Variants in NFIB observed in about 807,000 individuals in gnomAD.
The protein encoded by NFIB is nuclear factor I B, also known as nuclear factor 1 B-type.
Under a neutral mutation model 61.5 loss-of-function variants are expected in NFIB, and 11 were observed. The ratio of observed to expected loss-of-function variants is 0.18; its 90% CI spans 0.11 to 0.30. The LOEUF (loss-of-function observed/expected upper bound fraction) is 0.30, where lower values mean the gene tolerates loss of function less well. Ranked by LOEUF, NFIB falls within the 10% of genes least tolerant of loss-of-function variation. NFIB has a pLI of 1.00. For missense variants in NFIB, 471 were observed against 608.9 expected, an observed-to-expected ratio of 0.77 and a Z score of 2.38; for synonymous variants, 260 against 216.5, an observed-to-expected ratio of 1.20 and a Z score of -1.76.
the NFIB span, among the ~76,000 whole-genome samples, chr9:14,490,335 A>C: frequency 0.039 from 5,890 of 152,228 alleles, 157 homozygotes; most frequent in Admixed American, 0.076. Context: ...TCTGAACTTA[A>C]ATGTTAAAGG....
At chr9:14,427,939 T>TTTTTTTTTTTTG in the NFIB span, among the ~76,000 whole-genome samples, 1 of 70,666 alleles carries the variant, frequency 1.4e-5, no homozygotes, top group African/African-American at 9.0e-5. Context: ...ATTCAGTTGT[T>TTTTTTTTTTTTG]TTTTTTTTTT....
chr9:14,279,980 G>C (rs2058261983), intron 2 of NFIB, among the ~76,000 whole-genome samples: 1 of 152,152 alleles, frequency 6.6e-6, no homozygotes, highest in Non-Finnish European at 1.5e-5. Context: ...GATAGCAGCT[G>C]AAGTGCCCAT....
chr9:14,282,783 T>G (rs114019910), intron 2 of NFIB, among the ~76,000 whole-genome samples: 3,022 of 152,288 alleles, frequency 0.02, 100 homozygotes, highest in African/African-American at 0.068. Context: ...CACAGCCAGG[T>G]GAGCTCCTCA....
intron 2 of NFIB, among the ~76,000 whole-genome samples, chr9:14,222,795 CAAAAAA>C (rs58787088): frequency 1.2e-5 from 1 of 86,770 alleles, no homozygotes; most frequent in South Asian, 4.5e-4. Flanking sequence ...GATCCTGTCT[CAAAAAA>C]AAAAAAAAGA....
chr9:14,178,637 G>T (rs984580918), intron 3 of NFIB, among the ~76,000 whole-genome samples: 3 of 151,936 alleles, frequency 2.0e-5, no homozygotes, highest in Non-Finnish European at 4.4e-5. Context: ...AAAAAACATA[G>T]GACTCAGAAA....
At chr9:14,247,714 T>C (rs777142978) in intron 2 of NFIB, among the ~76,000 whole-genome samples, 1 of 152,148 alleles carries the variant, frequency 6.6e-6, no homozygotes, top group African/African-American at 2.4e-5. Flanking sequence ...AGATCAGAAA[T>C]AAAATACAGA....
the NFIB span, among the ~76,000 whole-genome samples, chr9:14,492,538 G>GT: frequency 4.6e-5 from 7 of 151,998 alleles, no homozygotes. Context: ...AAGGCAAAGG[G>GT]GAAGCAGCAC....
intron 6 of NFIB, among the ~76,000 whole-genome samples, chr9:14,142,562 C>A (rs935905073): frequency 6.6e-6 from 1 of 151,484 alleles, no homozygotes; most frequent in Admixed American, 6.6e-5. Context: ...CCTCTTATAT[C>A]AAAAGTTACA....
intron 1 of NFIB, chr9:14,362,530 A>T (rs2061252636): frequency 6.6e-6 from 1 of 152,102 alleles, no homozygotes; most frequent in South Asian, 2.1e-4. Context: ...CTGTGGGGAA[A>T]CTGTTTTGGC....
upstream of NFIB, among the ~76,000 whole-genome samples, chr9:14,402,114 T>C (rs1227902354): frequency 1.3e-5 from 2 of 152,178 alleles, no homozygotes; most frequent in East Asian, 3.8e-4. Context: ...CCTGAAACTT[T>C]GACTGCCAGA....
At chr9:14,348,883 G>A (rs536227761) in intron 1 of NFIB, among the ~76,000 whole-genome samples, 5 of 152,370 alleles carry the variant, frequency 3.3e-5, no homozygotes, top group African/African-American at 1.2e-4. Context: ...CGAAGCTTGC[G>A]CCTTCATGCG....
At chr9:14,157,672 T>C (rs115715775) in intron 3 of NFIB, among the ~76,000 whole-genome samples, 2,892 of 152,214 alleles carry the variant, frequency 0.019, 78 homozygotes, top group African/African-American at 0.065. Flanking sequence ...GTGCTAAAAG[T>C]CATGAATACA....
chr9:14,231,622 T>C (rs776016948), intron 2 of NFIB, among the ~76,000 whole-genome samples: 10 of 152,166 alleles, frequency 6.6e-5, no homozygotes, highest in Non-Finnish European at 8.8e-5. Context: ...TGAAGGTATA[T>C]TTTCTACCTT....
At chr9:14,337,089 A>G (rs938513441) in intron 1 of NFIB, among the ~76,000 whole-genome samples, 25 of 152,218 alleles carry the variant, frequency 1.6e-4, no homozygotes, top group African/African-American at 6.0e-4. Context: ...CGTAGCTCTC[A>G]ACCCATATAA....
At chr9:14,115,523 G>A (rs918356367) in intron 9 of NFIB, among the ~76,000 whole-genome samples, 1 of 152,074 alleles carries the variant, frequency 6.6e-6, no homozygotes, top group African/African-American at 2.4e-5. Flanking sequence ...GTGTTAGGAA[G>A]GTTCACTGGC....
At chr9:14,425,084 G>A in the NFIB span, among the ~76,000 whole-genome samples, 15 of 152,292 alleles carry the variant, frequency 9.8e-5, no homozygotes, top group African/African-American at 7.2e-5. Context: ...CCGCTGGCAT[G>A]GACAGCCAAA....
At chr9:14,138,647 G>T (rs1271366759) in intron 6 of NFIB, among the ~76,000 whole-genome samples, 3 of 152,062 alleles carry the variant, frequency 2.0e-5, no homozygotes, top group African/African-American at 4.8e-5. Context: ...TAAAAACTGG[G>T]AGATAGTAAA....
intron 2 of NFIB, among the ~76,000 whole-genome samples, chr9:14,195,183 C>A (rs574061148): frequency 0.015 from 2,303 of 151,696 alleles, 49 homozygotes; most frequent in African/African-American, 0.047. Context: ...AAACAAAAAA[C>A]AAAAAACTTT....
chr9:14,206,006 T>C (rs1238341243), intron 2 of NFIB, among the ~76,000 whole-genome samples: 1 of 152,160 alleles, frequency 6.6e-6, no homozygotes, highest in Non-Finnish European at 1.5e-5. Flanking sequence ...TTATTAATTA[T>C]GTTTCTGCGT....
Sources: allele counts gnomAD v4.1 joint callset (sites outside exome capture counted in the v4.1 genomes callset), GRCh38; gene constraint gnomAD v4.1.1; transcripts MANE v1.5; gene names NCBI Gene and HGNC (gene_info 2026-07-23, HGNC 2026-07-21).